AGBL4: variants seen among roughly 807,000 people sequenced by gnomAD.
AGBL4 encodes the protein cytosolic carboxypeptidase 6.
AGBL4 carries 58 observed loss-of-function variants against 66.4 expected under a neutral mutation model. The ratio of observed to expected loss-of-function variants is 0.87; its 90% CI spans 0.71 to 1.09. AGBL4 has a LOEUF of 1.09. Ranked by LOEUF, AGBL4 falls within the 50% of genes least tolerant of loss-of-function variation. AGBL4 has a pLI of 0.00. For missense variants in AGBL4, 579 were observed against 631.0 expected (o/e 0.92, Z 0.88); for synonymous variants, 234 against 222.9 (o/e 1.05, Z -0.44).
At chr1:49,703,143 T>C (rs1647132326) in intron 2 of AGBL4, among the ~76,000 whole-genome samples, 1 of 151,982 alleles carries the variant, frequency 6.6e-6, no homozygotes, top group African/African-American at 2.4e-5. Flanking sequence ...AATAAAATTA[T>C]TTCTATTTGC....
At chr1:48,789,477 G>T (rs180904638) in intron 6 of AGBL4, among the ~76,000 whole-genome samples, 10 of 152,096 alleles carry the variant, frequency 6.6e-5, no homozygotes, top group South Asian at 2.1e-4. Context: ...TTTTAGTAGA[G>T]ACAGGGTTTC....
chr1:49,632,235 T>TA (rs1005366929), intron 3 of AGBL4, among the ~76,000 whole-genome samples: 12 of 152,180 alleles, frequency 7.9e-5, no homozygotes, highest in Admixed American at 5.9e-4. Flanking sequence ...TATGGTGACA[T>TA]AAAAACATGG....
At chr1:49,290,016 A>G (rs1379805498) in intron 3 of AGBL4, among the ~76,000 whole-genome samples, 4 of 152,216 alleles carry the variant, frequency 2.6e-5, no homozygotes, top group Admixed American at 2.6e-4. Context: ...AAAGGACATC[A>G]TTTTTGATCC....
chr1:48,737,821 T>G (rs1160483674), intron 6 of AGBL4, among the ~76,000 whole-genome samples: 1 of 152,248 alleles, frequency 6.6e-6, no homozygotes, highest in East Asian at 1.9e-4. Context: ...ACATTGCCAT[T>G]TATGTCATGC....
At chr1:49,881,728 G>C (rs991497491) in intron 1 of AGBL4, among the ~76,000 whole-genome samples, 1 of 150,984 alleles carries the variant, frequency 6.6e-6, no homozygotes, top group African/African-American at 2.4e-5. Flanking sequence ...ACTTTTTGAT[G>C]GGGTTGTTTG....
chr1:49,256,833 C>A (rs1326051172), intron 3 of AGBL4, among the ~76,000 whole-genome samples: 2 of 152,094 alleles, frequency 1.3e-5, no homozygotes. Flanking sequence ...GGAATAGACG[C>A]AATACATATT....
intron 3 of AGBL4, among the ~76,000 whole-genome samples, chr1:49,683,688 GAGCTAGACAA>G (rs1206823400): frequency 6.6e-6 from 1 of 152,152 alleles, no homozygotes; most frequent in Non-Finnish European, 1.5e-5. Context: ...AAGGTTTTGT[GAGCTAGACAA>G]AGTGAGAAAT....
intron 6 of AGBL4, chr1:48,758,913 C>T: frequency 6.5e-7 from 1 of 1,530,320 alleles, no homozygotes; most frequent in East Asian, 2.3e-5. Context: ...TGCCAAGCCG[C>T]AGGAGCAGCA....
At chr1:48,679,965 G>C (rs986630964) in intron 6 of AGBL4, among the ~76,000 whole-genome samples, 8 of 152,164 alleles carry the variant, frequency 5.3e-5, no homozygotes, top group Non-Finnish European at 1.0e-4. Context: ...CACCTCCCCT[G>C]GGGAGAGACT....
chr1:48,536,033 A>G (rs1643965492), intron 12 of AGBL4, among the ~76,000 whole-genome samples: 1 of 152,158 alleles, frequency 6.6e-6, no homozygotes, highest in African/African-American at 2.4e-5. Context: ...ATGACAATAC[A>G]CCACAGGACA....
intron 3 of AGBL4, among the ~76,000 whole-genome samples, chr1:49,532,078 C>A (rs1218483833): frequency 1.3e-5 from 2 of 152,062 alleles, no homozygotes; most frequent in Non-Finnish European, 2.9e-5. Context: ...ATCATATTTT[C>A]CCATCAGTTT....
intron 3 of AGBL4, among the ~76,000 whole-genome samples, chr1:49,532,752 T>C (rs1486873908): frequency 1.3e-5 from 2 of 152,124 alleles, no homozygotes; most frequent in Admixed American, 1.3e-4. Context: ...ATTATTTAGC[T>C]TCCACTGTTT....
chr1:48,675,078 G>A (rs1157428984), intron 6 of AGBL4, among the ~76,000 whole-genome samples: 3 of 152,182 alleles, frequency 2.0e-5, no homozygotes, highest in African/African-American at 4.8e-5. Flanking sequence ...TTGATGTAAC[G>A]GTTTTGAAAT....
chr1:49,001,774 C>T (rs1661412760), intron 5 of AGBL4, among the ~76,000 whole-genome samples: 1 of 152,124 alleles, frequency 6.6e-6, no homozygotes, highest in South Asian at 2.1e-4. Flanking sequence ...CATATCACTT[C>T]CTTGTTTAAA....
chr1:49,092,859 G>GA (rs1645027022), intron 4 of AGBL4, among the ~76,000 whole-genome samples: 1 of 152,138 alleles, frequency 6.6e-6, no homozygotes, highest in Admixed American at 6.6e-5. Context: ...AGGCCCAACT[G>GA]CTTGCAGTTA....
intron 2 of AGBL4, among the ~76,000 whole-genome samples, chr1:49,731,743 A>G (rs1649468788): frequency 6.6e-6 from 1 of 152,222 alleles, no homozygotes; most frequent in South Asian, 2.1e-4. Context: ...TTCAAAATTA[A>G]TACCTTGAAA....
intron 1 of AGBL4, among the ~76,000 whole-genome samples, chr1:49,974,452 A>T (rs1011102223): frequency 3.3e-5 from 5 of 152,160 alleles, no homozygotes; most frequent in Non-Finnish European, 7.4e-5. Flanking sequence ...AAAGGAATAG[A>T]TTTCAGAAAG....
chr1:49,393,260 G>A (rs1306703370), intron 3 of AGBL4, among the ~76,000 whole-genome samples: 1 of 152,082 alleles, frequency 6.6e-6, no homozygotes, highest in Non-Finnish European at 1.5e-5. Context: ...TATAACAACA[G>A]TAATAATGAC....
intron 3 of AGBL4, among the ~76,000 whole-genome samples, chr1:49,535,137 T>C (rs1245835001): frequency 6.6e-6 from 1 of 151,948 alleles, no homozygotes; most frequent in Non-Finnish European, 1.5e-5. Context: ...AACAGTTCAG[T>C]GAAACAGAGT....
Sources: allele counts gnomAD v4.1 joint callset (sites outside exome capture counted in the v4.1 genomes callset), GRCh38; gene constraint gnomAD v4.1.1; transcripts MANE v1.5; gene names NCBI Gene and HGNC (gene_info 2026-07-23, HGNC 2026-07-21).